Variants in HNMT observed in about 807,000 individuals in gnomAD.
The protein encoded by HNMT is histamine N-methyltransferase.
In HNMT, 30 loss-of-function variants were observed where a neutral mutation model predicts 32.1. The ratio of observed to expected loss-of-function variants is 0.93; its 90% CI spans 0.70 to 1.27. HNMT has a LOEUF of 1.27. Ranked by LOEUF, HNMT falls within the 50% of genes most tolerant of loss-of-function variation. The pLI is 0.00. For synonymous variants in HNMT, 125 were observed against 119.0 expected (o/e 1.05, Z -0.33); for missense variants, 327 against 346.0 (o/e 0.95, Z 0.43).
In HNMT at chr2:137,980,683, G is replaced by A. The variant is rs561628843; in HGVS notation, c.190+10466G>A. The stretch of plus-strand genomic sequence containing the variant: ...AAACCCTCAGGCAGTAGATTTCCTG[G>A]GCCAAGAACCAGAAGACACATGAAA... On this transcript the variant is annotated intron_variant, in intron 2 of 5. Coordinates refer to ENST00000280097, the MANE Select transcript of HNMT (RefSeq NM_006895.3). 2.0e-5 allele frequency among the ~76,000 whole-genome samples: 3 copies of A among 152,080 alleles called. No individual in the cohort carries two copies. The South Asian group carries it at 6.2e-4, about 32-fold the overall frequency.
At position 138,000,929 on chromosome 2, in the gene HNMT, CT is replaced by C; in HGVS notation, c.204del (p.Gln69LysfsTer34). 6.3e-7 allele frequency: 1 copy of C among 1,595,200 alleles called. No homozygotes were observed. The highest frequency in any genetic ancestry group is 1.1e-5 in the South Asian group (1 of 88,870). On this transcript the variant is annotated frameshift_variant, in exon 3 of 6. Coordinates refer to ENST00000280097, the MANE Select transcript of HNMT (RefSeq NM_006895.3). LOFTEE classifies it high-confidence loss of function. The part of the protein sequence containing the change: ...SIGGGAGEID[L>X]QILSKVQAQY... ...TGTTTATCTTCTAGGTGAAATTGATCTTCAAATTCTCTCCAAAGTTCAGGCT... is the reference window on the plus strand; with the variant it reads ...TGTTTATCTTCTAGGTGAAATTGATCTCAAATTCTCTCCAAAGTTCAGGCT...
chr2:138,008,291 C>T (rs1681389263), intron 5 of HNMT, among the ~76,000 whole-genome samples: 1 of 151,960 alleles, frequency 6.6e-6, no homozygotes, highest in South Asian at 2.1e-4. Context: ...CTTCTGGCTC[C>T]ATCCATGTCC....
At chr2:137,989,493 A>C (rs1351651382) in intron 2 of HNMT, among the ~76,000 whole-genome samples, 2 of 152,190 alleles carry the variant, frequency 1.3e-5, no homozygotes, top group Admixed American at 6.5e-5. Context: ...TTATCAGTTT[A>C]TATGCTGAAG....
At chr2:138,003,837 C>T (rs1681255426) in intron 4 of HNMT, among the ~76,000 whole-genome samples, 1 of 152,088 alleles carries the variant, frequency 6.6e-6, no homozygotes, top group Admixed American at 6.6e-5. Context: ...AAACCACTCC[C>T]TCTGCTTAAC....
At chr2:137,985,948 G>A (rs1016485813) in intron 2 of HNMT, among the ~76,000 whole-genome samples, 19 of 152,006 alleles carry the variant, frequency 1.2e-4, no homozygotes, top group South Asian at 2.1e-4. Flanking sequence ...CAGCCTGGGC[G>A]ACAGAGCGAG....
At chr2:137,997,673 G>A (rs554063552) in intron 2 of HNMT, among the ~76,000 whole-genome samples, 1 of 152,272 alleles carries the variant, frequency 6.6e-6, no homozygotes, top group East Asian at 1.9e-4. Context: ...GGATTGCTGG[G>A]TATATACCCA....
intron 2 of HNMT, among the ~76,000 whole-genome samples, chr2:137,992,982 G>T (rs1330141078): frequency 6.6e-6 from 1 of 152,002 alleles, no homozygotes; most frequent in African/African-American, 2.4e-5. Context: ...AAAACAAGCA[G>T]AAAGCAACAA....
intron 1 of HNMT, among the ~76,000 whole-genome samples, chr2:137,966,583 T>C (rs1309280318): frequency 6.6e-6 from 1 of 152,242 alleles, no homozygotes; most frequent in Non-Finnish European, 1.5e-5. Context: ...TCCTTTTACG[T>C]ACAACTTTTT....
Position 138,014,183 on chromosome 2 carries a change from C to T in HNMT, c.*53C>T, listed in dbSNP as rs1352699453. ...ATTATATTTTGAACAACTCGAATCA[C>T]TCATTTATTTCCATATTAAAATCAC... On this transcript the variant is annotated 3_prime_UTR_variant, in exon 6 of 6. Coordinates refer to ENST00000280097, the MANE Select transcript of HNMT (RefSeq NM_006895.3). 1 of 1,137,824 alleles carries T rather than the reference C, an allele frequency of 8.8e-7. No individual in the cohort carries two copies. The highest frequency in any genetic ancestry group is 1.3e-6 in the Non-Finnish European group (1 of 794,526). 70.5% of individuals were successfully genotyped at this position (1,137,824 alleles called of 1,614,324 possible).
chr2:138,000,450 C>A (rs552836989), intron 2 of HNMT, among the ~76,000 whole-genome samples: 2 of 145,192 alleles, frequency 1.4e-5, no homozygotes, highest in South Asian at 4.5e-4. Context: ...ATGCTTGTAC[C>A]CTTTATTTAA....
In HNMT at chr2:137,992,764, A is replaced by G. The variant is rs557491606; in HGVS notation, c.191-8154A>G. 2.0e-5 allele frequency among the ~76,000 whole-genome samples: 3 copies of G among 152,276 alleles called. No homozygotes were observed. The East Asian group carries it at 5.8e-4, about 29-fold the overall frequency. On this transcript the variant is annotated intron_variant, in intron 2 of 5. Coordinates refer to ENST00000280097, the MANE Select transcript of HNMT (RefSeq NM_006895.3). ...TCCAATAGAGGTTGTCAGACACCCT[A>G]TACAGGAGTGCTCCTACTGGCATCA...
At chr2:138,010,434 GAC>G (rs375739175) in intron 5 of HNMT, among the ~76,000 whole-genome samples, 32 of 117,774 alleles carry the variant, frequency 2.7e-4, no homozygotes, top group African/African-American at 6.1e-4. Context: ...CAATAAAAAA[GAC>G]ACACGCACAC....
Position 137,964,604 on chromosome 2 carries a change from A to G in HNMT, c.113A>G (p.Lys38Arg), listed in dbSNP as rs1325296917. The G allele has an allele frequency of 3.1e-6, 5 of 1,613,800 alleles. No individual in the cohort carries two copies. The East Asian group carries it at 1.1e-4, about 36-fold the overall frequency. ...EHQCMQEFMD[K>R]KLPGIIGRIG... Reference sequence around the variant, plus strand: ...CAGTGCATGCAGGAATTCATGGACAAGAAGCTGCCAGGCATAATAGGAAGG... The same window carrying G: ...CAGTGCATGCAGGAATTCATGGACAGGAAGCTGCCAGGCATAATAGGAAGG... Residue 38 changes from lysine (K) to arginine (R), a missense_variant, in exon 1 of 6, where the codon AAG (lysine) becomes AGG (arginine). Coordinates refer to ENST00000280097, the MANE Select transcript of HNMT (RefSeq NM_006895.3).
intron 2 of HNMT, among the ~76,000 whole-genome samples, chr2:137,997,558 C>A (rs897395012): frequency 1.3e-5 from 2 of 152,162 alleles, no homozygotes; most frequent in African/African-American, 4.8e-5. Flanking sequence ...GATAGGAGCA[C>A]TTTTACATTG....
chr2:137,972,204 A>G (rs183310099), intron 2 of HNMT, among the ~76,000 whole-genome samples: 1 of 152,202 alleles, frequency 6.6e-6, no homozygotes, highest in Non-Finnish European at 1.5e-5. Flanking sequence ...TCCTGGGTTC[A>G]AGCAATTCTC....
At chr2:138,002,856 T>G in intron 4 of HNMT, 3 of 800,724 alleles carry the variant, frequency 3.7e-6, no homozygotes, top group Non-Finnish European at 4.5e-6. Flanking sequence ...TGTCCCAGAG[T>G]GTTTCTGTAG....
chr2:137,983,008 G>A (rs898747383), intron 2 of HNMT, among the ~76,000 whole-genome samples: 3 of 152,186 alleles, frequency 2.0e-5, no homozygotes, highest in African/African-American at 7.2e-5. Flanking sequence ...GTAATAGACG[G>A]TGGAGCCGAT....
Position 137,987,943 on chromosome 2 carries a change from C to T in HNMT, c.191-12975C>T, listed in dbSNP as rs78103723. Among the ~76,000 whole-genome samples, 961 of 152,180 alleles carry T rather than the reference C, an allele frequency of 6.3e-3. 11 individuals carry two copies. The highest frequency in any genetic ancestry group is 0.021 in the African/African-American group (891 of 41,524). ...CTGTGGGAAAGACCACTAAGATTACCAGCTATGAGTGGTAGAGTTTTAGAT... is the reference window on the plus strand; with the variant it reads ...CTGTGGGAAAGACCACTAAGATTACTAGCTATGAGTGGTAGAGTTTTAGAT... On this transcript the variant is annotated intron_variant, in intron 2 of 5. Transcript: ENST00000280097.
chr2:138,002,645 C>T (rs1438565870), intron 4 of HNMT: 1 of 238,982 alleles, frequency 4.2e-6, no homozygotes, highest in Non-Finnish European at 6.8e-6. Context: ...TGGGGTCATA[C>T]TATGTTGCCC....
Sources: allele counts gnomAD v4.1 joint callset (sites outside exome capture counted in the v4.1 genomes callset), GRCh38; gene constraint gnomAD v4.1.1; transcripts MANE v1.5; gene names NCBI Gene and HGNC (gene_info 2026-07-23, HGNC 2026-07-21).